The following ADGRV1 variants were observed in gnomAD, a reference collection of about 807,000 sequenced individuals.
ADGRV1 encodes the protein G-protein coupled receptor 98.
A neutral mutation model predicts 596.2 loss-of-function variants in ADGRV1; 359 were observed. The observed-to-expected ratio is 0.60, with a 90% CI of 0.55 to 0.66. ADGRV1 has a LOEUF of 0.66. ADGRV1 is among the 30% of genes least tolerant of loss of function. ADGRV1 has a pLI of 0.00. For synonymous variants in ADGRV1, 2,681 were observed against 2,679.2 expected, an observed-to-expected ratio of 1.00 and a Z score of -0.02; for missense variants, 7,274 against 7,575.6, an observed-to-expected ratio of 0.96 and a Z score of 1.48.
chr5:90,822,779 C>T (rs1182797936), intron 75 of ADGRV1, among the ~76,000 whole-genome samples: 2 of 152,176 alleles, frequency 1.3e-5, no homozygotes, highest in African/African-American at 4.8e-5. Context: ...TGTTCTTCCA[C>T]TTGTTTGTAT....
At chr5:90,600,702 T>C (rs1761289863) in intron 1 of ADGRV1, among the ~76,000 whole-genome samples, 1 of 152,218 alleles carries the variant, frequency 6.6e-6, no homozygotes, top group Non-Finnish European at 1.5e-5. Flanking sequence ...ATGGTAGTTC[T>C]AGTTCTAGAT....
rs538443211 is a variant in ADGRV1, at chr5:90,580,706, C to T, written c.22+21789C>T. Among the ~76,000 whole-genome samples the T allele has an allele frequency of 2.0e-4, 31 of 152,278 alleles. No individual in the cohort carries two copies. The South Asian group carries it at 5.0e-3, about 24-fold the overall frequency. ...AACCCAACCTTTCTCTCTGGCTGCC[C>T]TTAACATTTTTTCCTTCATTTCATC... On this transcript the variant is annotated intron_variant, in intron 1 of 89. Coordinates refer to ENST00000405460, the MANE Select transcript of ADGRV1 (RefSeq NM_032119.4).
chr5:90,919,499 G>T (rs751337036), intron 83 of ADGRV1, among the ~76,000 whole-genome samples: 11 of 152,102 alleles, frequency 7.2e-5, no homozygotes, highest in Non-Finnish European at 1.6e-4. Flanking sequence ...CTATAACTGA[G>T]ATAAAAAATA....
In ADGRV1 at chr5:90,692,805, T is replaced by A; in HGVS notation, c.7133+19T>A. On this transcript the variant is annotated intron_variant, in intron 32 of 89. Transcript: ENST00000405460. Reference sequence around the variant, plus strand: ...GGCGAAGGTATATGAGATAGCTACTTGCCTCTGTGGGAGTGATGAGAATTG... The same window carrying A: ...GGCGAAGGTATATGAGATAGCTACTAGCCTCTGTGGGAGTGATGAGAATTG... The A allele has an allele frequency of 6.4e-7, 1 of 1,557,648 alleles. No individual in the cohort carries two copies. Among genetic ancestry groups the A allele is most frequent in the Non-Finnish European group, 8.7e-7 (1 of 1,152,222 alleles).
rs751215476 is a variant in ADGRV1 at position 90,694,251 on chromosome 5, G to A, written c.7495G>A (p.Ala2499Thr). Reference protein sequence around the residue: ...VASLFSGQAVAGSDYEPVTRQ... With the variant: ...VASLFSGQAVTGSDYEPVTRQ... ...ATCTCTTTTTAGTGGTCAGGCTGTG[G>A]CTGGGAGTGACTATGAGCCTGTGAC... Residue 2499 changes from alanine (A) to threonine (T), a missense_variant, in exon 33 of 90, where the codon GCT becomes ACT. Coordinates refer to ENST00000405460, the MANE Select transcript of ADGRV1 (RefSeq NM_032119.4). 6.2e-7 allele frequency: 1 copy of A among 1,613,972 alleles called. No individual in the cohort carries two copies. The highest frequency in any genetic ancestry group is 1.1e-5 in the South Asian group (1 of 91,084).
chr5:91,069,928 C>CAAAAA (rs70973728), intron 85 of ADGRV1, among the ~76,000 whole-genome samples: 7,863 of 136,514 alleles, frequency 0.058, 254 homozygotes, highest in African/African-American at 0.073. Context: ...AATGTAGCCA[C>CAAAAA]AAAAAAAAAA....
intron 1 of ADGRV1, among the ~76,000 whole-genome samples, chr5:90,601,338 TATAAC>T (rs1247286088): frequency 1.3e-5 from 2 of 152,028 alleles, no homozygotes; most frequent in African/African-American, 4.8e-5. Flanking sequence ...AATTTCATAA[TATAAC>T]AGACTTTTTA....
In ADGRV1 at chr5:90,783,249, C is replaced by A. The variant is rs779753293; in HGVS notation, c.13357C>A (p.His4453Asn). The A allele has an allele frequency of 6.2e-7, 1 of 1,613,514 alleles. No individual in the cohort carries two copies. The highest frequency in any genetic ancestry group is 8.5e-7 in the Non-Finnish European group (1 of 1,179,548). ...ASPGGVDYIL[H>N]GSTVTFQHGQ... Reference sequence around the variant, plus strand: ...TCCCGGAGGTGTTGATTACATTTTGCATGGCAGTACAGTCACCTTTCAGCA... The same window carrying A: ...TCCCGGAGGTGTTGATTACATTTTGAATGGCAGTACAGTCACCTTTCAGCA... Residue 4453 changes from histidine to asparagine, a missense_variant, in exon 66 of 90, where the codon CAT becomes AAT. Physicochemically the swap from His to Asn is moderately conservative, Grantham distance 68. Coordinates refer to ENST00000405460, the MANE Select transcript of ADGRV1 (RefSeq NM_032119.4).
At chr5:90,617,757 C>A in intron 2 of ADGRV1, 47 bp from the exon 3 acceptor site, 1 of 1,490,504 alleles carries the variant, frequency 6.7e-7, no homozygotes, top group South Asian at 1.2e-5. Context: ...TTTTACTTGT[C>A]CTAATACTGT....
intron 75 of ADGRV1, among the ~76,000 whole-genome samples, chr5:90,818,217 T>G (rs958954250): frequency 6.6e-5 from 10 of 151,792 alleles, no homozygotes; most frequent in Admixed American, 5.3e-4. Flanking sequence ...TCTCTGTTTG[T>G]CTGTTGTTGG....
intron 50 of ADGRV1, among the ~76,000 whole-genome samples, chr5:90,737,273 A>G (rs1302300577): frequency 1.3e-5 from 2 of 151,958 alleles, no homozygotes; most frequent in African/African-American, 4.8e-5. Context: ...TTCTAGCTTA[A>G]TGCCATTATG....
chr5:90,796,565 G>T (rs1257225238), intron 70 of ADGRV1, among the ~76,000 whole-genome samples: 3 of 152,190 alleles, frequency 2.0e-5, no homozygotes, highest in Admixed American at 2.0e-4. Context: ...TATTATCCAG[G>T]AGAGCTTCCC....
chr5:90,587,173 A>T (rs1758861392), intron 1 of ADGRV1, among the ~76,000 whole-genome samples: 1 of 152,108 alleles, frequency 6.6e-6, no homozygotes, highest in Non-Finnish European at 1.5e-5. Context: ...GATACTCAAA[A>T]ATTTTAATCT....
intron 21 of ADGRV1, among the ~76,000 whole-genome samples, chr5:90,666,288 G>C (rs137938703): frequency 9.2e-4 from 140 of 152,268 alleles, no homozygotes; most frequent in Middle Eastern, 3.4e-3. Context: ...CTTTTTGAAT[G>C]TGGGTGCTCC....
At position 91,164,245 on chromosome 5, in the gene ADGRV1, A is replaced by G. The variant is rs1169288308; in HGVS notation, c.*345A>G. Reference sequence around the variant, plus strand: ...GGTATCATCCAGCTTCATTATTGATAAAGAAACATTGTGCATGGGCAAAAA... The same window carrying G: ...GGTATCATCCAGCTTCATTATTGATGAAGAAACATTGTGCATGGGCAAAAA... On this transcript the variant is annotated 3_prime_UTR_variant, in exon 90 of 90. Coordinates refer to ENST00000405460, the MANE Select transcript of ADGRV1 (RefSeq NM_032119.4). 1 of 337,792 alleles carries G rather than the reference A, an allele frequency of 3.0e-6. No individual in the cohort carries two copies. The highest frequency in any genetic ancestry group is 5.8e-6 in the Non-Finnish European group (1 of 173,348). 20.9% of individuals were successfully genotyped at this position (337,792 alleles called of 1,614,324 possible).
rs764396777 is a variant in ADGRV1 at position 90,828,966 on chromosome 5, T to C, written c.16391T>C (p.Phe5464Ser). The change falls in exon 77 of 90, where the codon TTT becomes TCT. Residue 5464 changes from phenylalanine (F) to serine (S), a missense_variant. Physicochemically the swap from Phe to Ser is radical, Grantham distance 155. Around this residue, in one of 5 missense-constraint regions of ADGRV1, gnomAD observed 1,874 missense variants for 1,970.2 expected, o/e 0.95. Coordinates refer to ENST00000405460, the MANE Select transcript of ADGRV1 (RefSeq NM_032119.4). ...PEKVPQVEVY[F>S]FVELYEATAG... ...CAGGTACCACAGGTTGAAGTGTATT[T>C]TTTTGTGGAACTATATGAAGCTACT... 1 of 1,586,924 alleles carries C rather than the reference T, an allele frequency of 6.3e-7. No homozygotes were observed. The highest frequency in any genetic ancestry group is 1.7e-5 in the Admixed American group (1 of 59,238).
At chr5:90,958,297 A>G (rs1291590854) in intron 83 of ADGRV1, among the ~76,000 whole-genome samples, 1 of 150,044 alleles carries the variant, frequency 6.7e-6, no homozygotes, top group Non-Finnish European at 1.5e-5. Context: ...AAAAAAAAAA[A>G]AAAAAAGAAA....
intron 83 of ADGRV1, among the ~76,000 whole-genome samples, chr5:90,882,593 G>T (rs552620504): frequency 6.6e-6 from 1 of 152,154 alleles, no homozygotes; most frequent in Non-Finnish European, 1.5e-5. Context: ...TCTGGATGGG[G>T]AAACTCCCTT....
chr5:90,878,722 T>TA (rs993574706), intron 83 of ADGRV1, among the ~76,000 whole-genome samples: 45 of 152,344 alleles, frequency 3.0e-4, no homozygotes, highest in African/African-American at 1.0e-3. Flanking sequence ...AAGCAGATTA[T>TA]AATCTCAGGA....
Sources: allele counts gnomAD v4.1 joint callset (sites outside exome capture counted in the v4.1 genomes callset), GRCh38; gene constraint gnomAD v4.1.1; regional missense constraint gnomAD v4.1.1; transcripts MANE v1.5; gene names NCBI Gene and HGNC (gene_info 2026-07-23, HGNC 2026-07-21).